IL19: variants seen among roughly 807,000 people sequenced by gnomAD.
IL19 encodes the protein interleukin 19.
Under a neutral mutation model 19.5 loss-of-function variants are expected in IL19, and 15 were observed. That is an observed-to-expected ratio of 0.77 (90% confidence interval 0.52 to 1.19). The LOEUF (loss-of-function observed/expected upper bound fraction) is 1.19. Among genes scored for constraint, IL19 ranks in the 50% most tolerant of loss-of-function variants. The pLI, the probability that IL19 is intolerant of heterozygous loss-of-function variation, is 0.00. For missense variants in IL19, 199 were observed against 213.1 expected (o/e 0.93, Z 0.41); for synonymous variants, 78 against 78.3 (o/e 1.00, Z 0.02).
intron 1 of IL19, among the ~76,000 whole-genome samples, chr1:206,786,497 A>G (rs1167202992): frequency 3.3e-5 from 5 of 152,042 alleles, no homozygotes; most frequent in African/African-American, 1.2e-4. Flanking sequence ...TTCTTGGTGG[A>G]GTGGGAAGCA....
intron 1 of IL19, among the ~76,000 whole-genome samples, chr1:206,792,335 G>T (rs1675428027): frequency 6.6e-6 from 1 of 152,072 alleles, no homozygotes; most frequent in Non-Finnish European, 1.5e-5. Context: ...TCCATTAAAG[G>T]CTGTATTTAT....
At chr1:206,801,201 C>T (rs2102460995) in intron 2 of IL19, among the ~76,000 whole-genome samples, 1 of 152,068 alleles carries the variant, frequency 6.6e-6, no homozygotes, top group Non-Finnish European at 1.5e-5. Flanking sequence ...ATGTCTGCCT[C>T]CAGACCCCTG....
intron 2 of IL19, among the ~76,000 whole-genome samples, chr1:206,833,047 T>C (rs758021526): frequency 5.9e-5 from 9 of 152,224 alleles, no homozygotes; most frequent in Non-Finnish European, 1.3e-4. Context: ...TCACTTCATT[T>C]GGTTAAAAAT....
chr1:206,820,008 T>C (rs1481949214), intron 2 of IL19, among the ~76,000 whole-genome samples: 1 of 152,216 alleles, frequency 6.6e-6, no homozygotes, highest in Non-Finnish European at 1.5e-5. Flanking sequence ...TTTCCTTCTA[T>C]ACTTGTGAAG....
Position 206,820,091 on chromosome 1 carries a change from T to C in IL19, c.-2-16570T>C, listed in dbSNP as rs114829855. ...ATTTTGTCTTGTTGGATTAAGCTTATTGCTCCAGATTGTCAAAATATTTTA... is the reference window on the plus strand; with the variant it reads ...ATTTTGTCTTGTTGGATTAAGCTTACTGCTCCAGATTGTCAAAATATTTTA... On this transcript the variant is annotated intron_variant, in intron 2 of 6. Transcript: ENST00000659997. 2.9e-3 allele frequency among the ~76,000 whole-genome samples: 435 copies of C among 152,310 alleles called. 4 individuals are homozygous for C. Among genetic ancestry groups the C allele is most frequent in the African/African-American group, 0.01 (417 of 41,582 alleles).
intron 2 of IL19, among the ~76,000 whole-genome samples, chr1:206,804,308 G>C (rs534814896): frequency 6.6e-6 from 1 of 152,308 alleles, no homozygotes; most frequent in African/African-American, 2.4e-5. Context: ...TGCTGGGAGT[G>C]GGGGCTAATG....
chr1:206,791,079 C>T (rs778012473), intron 1 of IL19, among the ~76,000 whole-genome samples: 45 of 152,124 alleles, frequency 3.0e-4, no homozygotes, highest in Admixed American at 8.5e-4. Flanking sequence ...GATCAAGATA[C>T]GAAGATGGAC....
chr1:206,817,209 G>A (rs903221641), intron 2 of IL19, among the ~76,000 whole-genome samples: 5 of 152,166 alleles, frequency 3.3e-5, no homozygotes, highest in Admixed American at 6.5e-5. Context: ...TTGCACATGA[G>A]ACCTGTGATC....
Position 206,770,887 on chromosome 1 carries a change from A to G in IL19, c.-340A>G. ...TATTTTGGGGGCAGCTGCAAGGGAA[A>G]AAACTGATCTGCTACTTACACAGCG... On this transcript the variant is annotated 5_prime_UTR_variant, in exon 1 of 7. Coordinates refer to ENST00000659997, the MANE Select transcript of IL19 (RefSeq NM_153758.5). The G allele has an allele frequency of 6.2e-7, 1 of 1,613,616 alleles. No individual in the cohort carries two copies. Among genetic ancestry groups the G allele is most frequent in the Non-Finnish European group, 8.5e-7 (1 of 1,179,540 alleles).
intron 2 of IL19, among the ~76,000 whole-genome samples, chr1:206,818,771 G>A: frequency 6.6e-6 from 1 of 151,600 alleles, no homozygotes; most frequent in East Asian, 1.9e-4. Context: ...CTTAGGTTTA[G>A]AGTTTGTATT....
intron 2 of IL19, among the ~76,000 whole-genome samples, chr1:206,800,397 C>T (rs114300771): frequency 0.01 from 1,590 of 152,258 alleles, 22 homozygotes; most frequent in African/African-American, 0.034. Flanking sequence ...ATGAATGCTC[C>T]GATATGTTGC....
chr1:206,802,436 G>A (rs889386997), intron 2 of IL19, among the ~76,000 whole-genome samples: 3 of 151,752 alleles, frequency 2.0e-5, no homozygotes, highest in South Asian at 2.1e-4. Context: ...TCATCAAAAC[G>A]AACAGCACCT....
At chr1:206,823,453 G>C (rs1676345516) in intron 2 of IL19, among the ~76,000 whole-genome samples, 1 of 151,964 alleles carries the variant, frequency 6.6e-6, no homozygotes, top group Middle Eastern at 3.4e-3. Context: ...TACTCGGGTT[G>C]CTGAGGCAGG....
rs913116800 is a variant in IL19 at position 206,802,937 on chromosome 1, T to C, written c.-3+3931T>C. On this transcript the variant is annotated intron_variant, in intron 2 of 6. Transcript: ENST00000659997. ...TCAAAGAAATAAGGGGCCTGGCCAA[T>C]ATCTCAAGAACAGAAGCAGCTGTGG... Among the ~76,000 whole-genome samples the C allele has an allele frequency of 2.0e-5, 3 of 152,204 alleles. No individual in the cohort carries two copies. In the South Asian group the frequency reaches 6.2e-4, roughly 32 times the overall value.
chr1:206,775,789 G>T (rs1445262515), intron 1 of IL19, among the ~76,000 whole-genome samples: 1 of 152,198 alleles, frequency 6.6e-6, no homozygotes, highest in Non-Finnish European at 1.5e-5. Context: ...TTTGGGTTTG[G>T]ATTTTGGTAC....
intron 2 of IL19, among the ~76,000 whole-genome samples, chr1:206,814,259 A>G (rs1429506529): frequency 6.6e-6 from 1 of 152,062 alleles, no homozygotes; most frequent in Non-Finnish European, 1.5e-5. Flanking sequence ...CACAGATTGC[A>G]GCCAGTAAAT....
chr1:206,833,886 T>C (rs887664216), intron 2 of IL19: 18 of 985,534 alleles, frequency 1.8e-5, no homozygotes, highest in Admixed American at 1.2e-4. Flanking sequence ...ACCTGGCACA[T>C]GGCAGACACT....
intron 2 of IL19, among the ~76,000 whole-genome samples, chr1:206,800,370 A>C (rs11119587): frequency 1.3e-5 from 2 of 152,082 alleles, no homozygotes; most frequent in African/African-American, 4.8e-5. Context: ...GTGGTGGGGT[A>C]GGGGGGAAGG....
At chr1:206,836,318 CA>C (rs1406023478) in intron 2 of IL19, among the ~76,000 whole-genome samples, 1 of 152,072 alleles carries the variant, frequency 6.6e-6, no homozygotes, top group South Asian at 2.1e-4. Flanking sequence ...TTATTAAAAA[CA>C]ATGCTTTTCA....
Sources: allele counts gnomAD v4.1 joint callset (sites outside exome capture counted in the v4.1 genomes callset), GRCh38; gene constraint gnomAD v4.1.1; transcripts MANE v1.5; gene names NCBI Gene and HGNC (gene_info 2026-07-23, HGNC 2026-07-21).